The following EML6 variants were observed in gnomAD, a reference collection of about 807,000 sequenced individuals.
EML6 encodes echinoderm microtubule-associated protein-like 6.
A neutral mutation model predicts 240.1 loss-of-function variants in EML6; 154 were observed. The ratio of observed to expected loss-of-function variants is 0.64; its 90% CI spans 0.56 to 0.73. The LOEUF is 0.73. Among genes scored for constraint, EML6 ranks in the 30% least tolerant of loss-of-function variants. The pLI is 0.00. For synonymous variants in EML6, 1,148 were observed against 899.0 expected (o/e 1.28, Z -4.95); for missense variants, 2,964 against 2,474.6 (o/e 1.20, Z -4.20).
intron 7 of EML6, among the ~76,000 whole-genome samples, chr2:54,830,260 A>C (rs1159890727): frequency 2.6e-5 from 4 of 152,204 alleles, no homozygotes; most frequent in African/African-American, 4.8e-5. Context: ...GACAAGAGGA[A>C]GTCATAGCAC....
At chr2:54,935,518 A>G (rs568465433) in intron 28 of EML6, among the ~76,000 whole-genome samples, 1 of 152,356 alleles carries the variant, frequency 6.6e-6, no homozygotes, top group African/African-American at 2.4e-5. Flanking sequence ...CAACCAAATC[A>G]ATGTCAAGAA....
rs34403438 is a variant in EML6 at position 54,930,953 on chromosome 2, CTTTTTTTTTT to C, written c.4004+2215_4004+2224del. Among the ~76,000 whole-genome samples, 789 of 104,630 alleles carry C rather than the reference CTTTTTTTTTT, an allele frequency of 7.5e-3. 8 individuals carry two copies. Among genetic ancestry groups the C allele is most frequent in the Non-Finnish European group, 9.4e-3 (510 of 54,120 alleles). The allele number at this position is 104,630 out of a possible 152,430, so 68.6% of individuals were successfully genotyped here. A position where few individuals can be genotyped will look rare whatever the true frequency, so the allele number is the denominator to read the frequency against. Reference sequence around the variant, plus strand: ...ACCTCAGAGATCAGACCGTAGGCATCTTTTTTTTTTTTTTTTTTTTTTGAGACGGAGTCTC... The same window carrying C: ...ACCTCAGAGATCAGACCGTAGGCATCTTTTTTTTTTTTGAGACGGAGTCTC... On this transcript the variant is annotated intron_variant, in intron 28 of 41. Transcript: ENST00000356458.
Position 54,948,868 on chromosome 2 carries a change from G to A in EML6, c.4005-14G>A, listed in dbSNP as rs1472554005. ...GTTCAATGCTGTGCTTCCTCTGGCC[G>A]CTCTCTCTTCCAGACCACCCGTTAG... On this transcript the variant is annotated splice_polypyrimidine_tract_variant and intron_variant, in intron 28 of 41. Transcript: ENST00000356458. The A allele has an allele frequency of 9.0e-6, 14 of 1,548,194 alleles. No homozygotes were observed. The highest frequency in any genetic ancestry group is 1.7e-4 in the Middle Eastern group (1 of 5,982).
intron 28 of EML6, among the ~76,000 whole-genome samples, chr2:54,942,074 A>C (rs1296895498): frequency 6.6e-6 from 1 of 152,184 alleles, no homozygotes; most frequent in South Asian, 2.1e-4. Flanking sequence ...GATTTTCTTT[A>C]TTCAAACCCC....
intron 11 of EML6, among the ~76,000 whole-genome samples, chr2:54,858,992 A>T (rs1174580806): frequency 6.6e-6 from 1 of 152,180 alleles, no homozygotes; most frequent in Non-Finnish European, 1.5e-5. Context: ...TGATATGCTG[A>T]AGGCTTTACT....
At chr2:54,950,819 G>T (rs571451574) in intron 30 of EML6, 40 bp downstream of exon 30, 55 of 1,535,852 alleles carry the variant, frequency 3.6e-5, no homozygotes, top group Non-Finnish European at 4.7e-5. Flanking sequence ...TCTTTTAGCT[G>T]TTTTTTACAT....
chr2:54,871,716 C>A, intron 16 of EML6, 111 bp downstream of exon 16: 1 of 764,302 alleles, frequency 1.3e-6, no homozygotes, highest in Non-Finnish European at 2.3e-6. Flanking sequence ...AACATGCTCC[C>A]ACTTAGTCGT....
At chr2:54,905,903 G>T (rs1374527364) in intron 24 of EML6, among the ~76,000 whole-genome samples, 1 of 149,266 alleles carries the variant, frequency 6.7e-6, no homozygotes, top group East Asian at 2.1e-4. Context: ...TTTATGTATA[G>T]ACTGTATTTT....
intron 2 of EML6, among the ~76,000 whole-genome samples, chr2:54,741,938 C>T (rs756425407): frequency 6.6e-5 from 10 of 152,104 alleles, no homozygotes; most frequent in Non-Finnish European, 1.5e-4. Flanking sequence ...TGTTGAGAAA[C>T]GTGATTTTAC....
intron 2 of EML6, among the ~76,000 whole-genome samples, chr2:54,751,596 C>T (rs1470977453): frequency 2.0e-5 from 3 of 152,180 alleles, no homozygotes; most frequent in Admixed American, 1.3e-4. Context: ...CCTCAACCTT[C>T]CATCCCCCAT....
chr2:54,924,019 C>T (rs149095638), intron 26 of EML6, among the ~76,000 whole-genome samples: 22 of 152,286 alleles, frequency 1.4e-4, no homozygotes, highest in African/African-American at 5.1e-4. Context: ...GTTGTTCATC[C>T]ATATTCCTAT....
chr2:54,756,279 G>T (rs923510469), intron 2 of EML6, among the ~76,000 whole-genome samples: 1 of 152,156 alleles, frequency 6.6e-6, no homozygotes, highest in African/African-American at 2.4e-5. Context: ...GCTTTGGTTT[G>T]TTCATCAGTG....
intron 2 of EML6, among the ~76,000 whole-genome samples, chr2:54,809,402 A>G (rs45517738): frequency 0.019 from 2,910 of 152,290 alleles, 31 homozygotes; most frequent in Non-Finnish European, 0.029. Context: ...ATAGTTGGCC[A>G]TTTCTCATGA....
At chr2:54,771,800 A>T (rs1284462747) in intron 2 of EML6, among the ~76,000 whole-genome samples, 4 of 152,212 alleles carry the variant, frequency 2.6e-5, no homozygotes, top group Non-Finnish European at 5.9e-5. Flanking sequence ...ACTGCAGCCT[A>T]TTTTTCTACT....
chr2:54,784,636 T>C (rs1424164785), intron 2 of EML6, among the ~76,000 whole-genome samples: 1 of 152,202 alleles, frequency 6.6e-6, no homozygotes, highest in Non-Finnish European at 1.5e-5. Context: ...GCCTTACCAA[T>C]AACAGAAACA....
rs13402406 is a variant in EML6 at position 54,945,982 on chromosome 2, C to T, written c.4005-2900C>T. ...CCCCACAGGCACTGAAGAGCAGGGC[C>T]GACTTGTTACTCAACACCAAGCCCC... is the stretch of plus-strand genomic sequence containing the variant. On this transcript the variant is annotated intron_variant, in intron 28 of 41. Coordinates refer to ENST00000356458, the MANE Select transcript of EML6 (RefSeq NM_001039753.4). Among the ~76,000 whole-genome samples, 630 of 152,284 alleles carry T rather than the reference C, an allele frequency of 4.1e-3. 5 individuals carry two copies. Among genetic ancestry groups the T allele is most frequent in the African/African-American group, 0.014 (575 of 41,538 alleles).
At chr2:54,887,549 G>T (rs1043170428) in intron 17 of EML6, among the ~76,000 whole-genome samples, 1 of 151,986 alleles carries the variant, frequency 6.6e-6, no homozygotes, top group Non-Finnish European at 1.5e-5. Context: ...ATCTTTTATT[G>T]CTTTAAGATT....
chr2:54,964,204 C>T lies in EML6; in HGVS notation c.5330+46C>T, dbSNP rs759814499. ...GGCATGGAGGAGAAAGGCAAGCATT[C>T]TGCTTACCAGTGGTTCCCATTCCAG... On this transcript the variant is annotated intron_variant, in intron 37 of 41. Coordinates refer to ENST00000356458, the MANE Select transcript of EML6 (RefSeq NM_001039753.4). 5 of 1,529,168 alleles carry T rather than the reference C, an allele frequency of 3.3e-6. No homozygotes were observed. In the African/African-American group the frequency reaches 5.5e-5, roughly 17 times the overall value. 94.7% of individuals were successfully genotyped at this position (1,529,168 alleles called of 1,614,324 possible).
In EML6 at chr2:54,724,968, C is replaced by A; in HGVS notation, c.-94C>A. The A allele has an allele frequency of 9.5e-7, 1 of 1,055,852 alleles. No individual in the cohort carries two copies. Among genetic ancestry groups the A allele is most frequent in the Non-Finnish European group, 1.2e-6 (1 of 824,322 alleles). The allele number at this position is 1,055,852 out of a possible 1,614,324, so 65.4% of individuals were successfully genotyped here. On this transcript the variant is annotated 5_prime_UTR_variant, in exon 2 of 42. Coordinates refer to ENST00000356458, the MANE Select transcript of EML6 (RefSeq NM_001039753.4). The surrounding 1 kb of genome is among the most constrained non-coding windows in gnomAD (Gnocchi z 5.2). ...CCGCGGAAATCAGCGCCCTGCGCCG[C>A]GCGCTGAGCCCCTGCAGGTCCGCCG...
Sources: gnomAD v4.1 joint callset for allele counts (sites outside exome capture counted in the v4.1 genomes callset) on GRCh38, gnomAD v4.1.1 for gene constraint, Gnocchi (gnomAD v3.1) non-coding constraint, MANE v1.5 for transcripts, NCBI Gene and HGNC (gene_info 2026-07-23, HGNC 2026-07-21) for gene names.